The following GRIA4 variants were observed in gnomAD, a reference collection of about 807,000 sequenced individuals.
The protein encoded by GRIA4 is glutamate receptor 4.
GRIA4 carries 34 observed loss-of-function variants against 104.0 expected under a neutral mutation model. That is an observed-to-expected ratio of 0.33 (90% CI 0.25 to 0.44). The LOEUF (loss-of-function observed/expected upper bound fraction) is 0.44. Among genes scored for constraint, GRIA4 ranks in the 20% least tolerant of loss-of-function variants. GRIA4 has a pLI of 1.00. For missense variants in GRIA4, 750 were observed against 1,096.5 expected, an observed-to-expected ratio of 0.68 and a Z score of 4.46; for synonymous variants, 386 against 381.9, an observed-to-expected ratio of 1.01 and a Z score of -0.13.
chr11:105,778,851 T>G (rs1047755594), intron 4 of GRIA4, among the ~76,000 whole-genome samples: 1 of 151,574 alleles, frequency 6.6e-6, no homozygotes, highest in Non-Finnish European at 1.5e-5. Context: ...TTGTTACATA[T>G]GTATACATGT....
chr11:105,630,356 G>A (rs971443384), intron 3 of GRIA4, among the ~76,000 whole-genome samples: 9 of 147,134 alleles, frequency 6.1e-5, no homozygotes. Context: ...ATGAGGCCAG[G>A]AGTTCAAGAC....
At position 105,827,308 on chromosome 11, in the gene GRIA4, C is replaced by T. The variant is rs552844114; in HGVS notation, c.488-34716C>T. ...AAAATAATATTTGTTATATATGATA[C>T]AATATCAAATCAGTGACATTACTTT... On this transcript the variant is annotated intron_variant, in intron 4 of 16. Transcript: ENST00000282499. Among the ~76,000 whole-genome samples, 8 of 151,818 alleles carry T rather than the reference C, an allele frequency of 5.3e-5. No individual in the cohort carries two copies. In the South Asian group the frequency reaches 1.5e-3, roughly 28 times the overall value.
rs905458376 is a variant in GRIA4 at position 105,956,737 on chromosome 11, G to T, written c.2295-15177G>T. Reference sequence around the variant, plus strand: ...ACAGTCCCATCAACAGCGTAAAAGTGTTCCTATTTCTCCACATCCTCTCCA... The same window carrying T: ...ACAGTCCCATCAACAGCGTAAAAGTTTTCCTATTTCTCCACATCCTCTCCA... On this transcript the variant is annotated intron_variant, in intron 14 of 16. Transcript: ENST00000282499. 2.6e-5 allele frequency among the ~76,000 whole-genome samples: 4 copies of T among 152,116 alleles called. No individual in the cohort carries two copies. In the South Asian group the frequency reaches 6.2e-4, roughly 24 times the overall value.
At chr11:105,625,626 T>C (rs1950867573) in intron 3 of GRIA4, among the ~76,000 whole-genome samples, 1 of 152,124 alleles carries the variant, frequency 6.6e-6, no homozygotes, top group Non-Finnish European at 1.5e-5. Flanking sequence ...AGTATAGAAT[T>C]AAACTCCACA....
intron 3 of GRIA4, among the ~76,000 whole-genome samples, chr11:105,657,584 A>G (rs1449250606): frequency 1.3e-5 from 2 of 151,980 alleles, no homozygotes; most frequent in African/African-American, 4.8e-5. Flanking sequence ...TGGAGAATAG[A>G]TGCAGGGGCT....
At chr11:105,907,088 A>G (rs556441746) in intron 9 of GRIA4, among the ~76,000 whole-genome samples, 1 of 152,380 alleles carries the variant, frequency 6.6e-6, no homozygotes, top group South Asian at 2.1e-4. Context: ...GAGAAAGAAT[A>G]GTGGAAAAAG....
At chr11:105,766,232 T>C (rs1029700852) in intron 4 of GRIA4, among the ~76,000 whole-genome samples, 1 of 152,170 alleles carries the variant, frequency 6.6e-6, no homozygotes, top group Non-Finnish European at 1.5e-5. Flanking sequence ...CAGGCCACCA[T>C]AGAATTGCAA....
intron 14 of GRIA4, among the ~76,000 whole-genome samples, chr11:105,947,034 T>C (rs565404187): frequency 3.9e-5 from 6 of 152,334 alleles, no homozygotes; most frequent in African/African-American, 1.4e-4. Flanking sequence ...TATTGTTTTC[T>C]GAGCAGGAAC....
intron 3 of GRIA4, among the ~76,000 whole-genome samples, chr11:105,710,557 A>C (rs1414583770): frequency 6.6e-6 from 1 of 152,160 alleles, no homozygotes; most frequent in Non-Finnish European, 1.5e-5. Flanking sequence ...ATACATTTAG[A>C]TATTTTCTGT....
rs377767108 is a variant in GRIA4 at position 105,671,677 on chromosome 11, C to CAAAAAA, written c.247+59262_247+59267dup. On this transcript the variant is annotated intron_variant, in intron 3 of 16. Coordinates refer to ENST00000282499, the MANE Select transcript of GRIA4 (RefSeq NM_000829.4). ...TGGGTGACAGAGTGAGACTCTGTCT[C>CAAAAAA]AAAAAAAAAAAAAAAAAAAAAAAAG... Among the ~76,000 whole-genome samples, 382 of 64,550 alleles carry CAAAAAA rather than the reference C, an allele frequency of 5.9e-3. 67 individuals carry two copies. Among genetic ancestry groups the CAAAAAA allele is most frequent in the Middle Eastern group, 0.026 (1 of 38 alleles). 42.3% of individuals were successfully genotyped at this position (64,550 alleles called of 152,430 possible). A position where few individuals can be genotyped will look rare whatever the true frequency, so the allele number is the denominator to read the frequency against.
chr11:105,900,379 G>A (rs1302772222), intron 7 of GRIA4, among the ~76,000 whole-genome samples: 1 of 152,168 alleles, frequency 6.6e-6, no homozygotes, highest in South Asian at 2.1e-4. Flanking sequence ...GCCTTTCCAA[G>A]TGCATGATCC....
chr11:105,708,557 A>T (rs1327351621), intron 3 of GRIA4, among the ~76,000 whole-genome samples: 1 of 152,096 alleles, frequency 6.6e-6, no homozygotes, highest in Non-Finnish European at 1.5e-5. Flanking sequence ...AAAAGAACTT[A>T]GGTAATTTGG....
intron 4 of GRIA4, among the ~76,000 whole-genome samples, chr11:105,780,133 C>T (rs186643748): frequency 2.6e-5 from 4 of 152,224 alleles, no homozygotes; most frequent in East Asian, 1.9e-4. Flanking sequence ...GCCCTATTTT[C>T]GTTACCTAAT....
chr11:105,838,655 A>T (rs1157378537), intron 4 of GRIA4, among the ~76,000 whole-genome samples: 1 of 152,200 alleles, frequency 6.6e-6, no homozygotes. Context: ...TCTTGGACAC[A>T]AGCTTTTTCT....
intron 9 of GRIA4, among the ~76,000 whole-genome samples, chr11:105,910,165 T>C (rs1003633833): frequency 6.6e-6 from 1 of 152,146 alleles, no homozygotes; most frequent in Non-Finnish European, 1.5e-5. Context: ...ATATTCCTTT[T>C]GGAATCACCA....
At chr11:105,699,920 A>C (rs963903525) in intron 3 of GRIA4, among the ~76,000 whole-genome samples, 3 of 152,190 alleles carry the variant, frequency 2.0e-5, no homozygotes, top group Non-Finnish European at 4.4e-5. Flanking sequence ...CCTGTCTTCA[A>C]CTACTAAAAG....
chr11:105,710,026 A>G (rs544923777), intron 3 of GRIA4, among the ~76,000 whole-genome samples: 1 of 152,168 alleles, frequency 6.6e-6, no homozygotes, highest in Non-Finnish European at 1.5e-5. Context: ...TAAGATTCTC[A>G]ATTCATCAGT....
At chr11:105,696,210 T>C (rs1004215160) in intron 3 of GRIA4, among the ~76,000 whole-genome samples, 5 of 152,280 alleles carry the variant, frequency 3.3e-5, no homozygotes, top group Admixed American at 2.6e-4. Context: ...AAGCTTCCCC[T>C]GAGCCCAAAA....
At chr11:105,829,422 G>A (rs552925385) in intron 4 of GRIA4, among the ~76,000 whole-genome samples, 2 of 152,102 alleles carry the variant, frequency 1.3e-5, no homozygotes, top group East Asian at 3.9e-4. Flanking sequence ...GGAGACTTCA[G>A]CGGATGGCTG....
Sources: allele counts gnomAD v4.1 joint callset (sites outside exome capture counted in the v4.1 genomes callset), GRCh38; gene constraint gnomAD v4.1.1; transcripts MANE v1.5; gene names NCBI Gene and HGNC (gene_info 2026-07-23, HGNC 2026-07-21).